TRPV1: variants seen among roughly 807,000 people sequenced by gnomAD.
TRPV1 encodes transient receptor potential cation channel subfamily V member 1.
In TRPV1, 82 loss-of-function variants were observed where a neutral mutation model predicts 82.3. That is an observed-to-expected ratio of 1.00 (90% CI 0.83 to 1.20). The LOEUF is 1.20. TRPV1 is among the 50% of genes most tolerant of loss of function. TRPV1 has a pLI of 0.00. For synonymous variants in TRPV1, 515 were observed against 467.7 expected (o/e 1.10, Z -1.30); for missense variants, 1,067 against 1,096.8 (o/e 0.97, Z 0.38).
Position 3,577,158 on chromosome 17 carries a change from A to T in TRPV1, c.1748T>A (p.Val583Asp). Residue 583 changes from valine to aspartate, a missense_variant, in exon 13 of 17, where the codon GTC (valine) becomes GAC (aspartate). Val to Asp is a radical substitution (Grantham distance 152). Coordinates refer to ENST00000572705, the MANE Select transcript of TRPV1 (RefSeq NM_080704.4). ...ILRDLCRFMF[V>D]YIVFLFGFST... ...AAACCCGAACAAGAAGACGATGTAG[A>T]CAAACATGAAACGGCACAGGTCTCT... The T allele has an allele frequency of 3.8e-6, 6 of 1,588,376 alleles. No homozygotes were observed. The highest frequency in any genetic ancestry group is 5.1e-6 in the Non-Finnish European group (6 of 1,167,726).
intron 9 of TRPV1, chr17:3,585,069 TG>T: frequency 6.6e-6 from 1 of 151,880 alleles, no homozygotes. Flanking sequence ...TGGTGGGCTC[TG>T]GGCTTAGACA....
chr17:3,568,199 G>A (rs1233763600), intron 16 of TRPV1, among the ~76,000 whole-genome samples: 4 of 151,614 alleles, frequency 2.6e-5, no homozygotes, highest in Non-Finnish European at 4.4e-5. Flanking sequence ...GCGGGCGCCT[G>A]TAGTCCCAGC....
intron 2 of TRPV1, among the ~76,000 whole-genome samples, chr17:3,594,545 G>A (rs1211819944): frequency 2.0e-5 from 3 of 152,166 alleles, no homozygotes; most frequent in Non-Finnish European, 4.4e-5. Context: ...ACGGACGGCT[G>A]GCTACTGGCC....
In TRPV1 at chr17:3,566,176, GA is replaced by G. The variant is rs1226308584; in HGVS notation, c.*638del. The stretch of plus-strand genomic sequence containing the variant: ...AACAAGAGTGAAACTCTGTCTCACA[GA>G]AAAAAAAAAAAAGAATAAAATCAAA... On this transcript the variant is annotated 3_prime_UTR_variant, in exon 17 of 17. Transcript: ENST00000572705. 154 of 121,876 alleles carry G rather than the reference GA, an allele frequency of 1.3e-3. No individual in the cohort carries two copies. The highest frequency in any genetic ancestry group is 1.2e-3 in the Non-Finnish European group (70 of 58,318). The allele number at this position is 121,876 out of a possible 1,614,324, so 7.5% of individuals were successfully genotyped here. A position where few individuals can be genotyped will look rare whatever the true frequency, so the allele number is the denominator to read the frequency against.
intron 14 of TRPV1, 82 bp downstream of exon 14, chr17:3,573,551 C>CCCCCCCCCCCCCCCGG: frequency 4.7e-6 from 3 of 635,234 alleles, no homozygotes; most frequent in South Asian, 6.1e-5. Context: ...ACCCACCCAC[C>CCCCCCCCCCCCCCCGG]TGCAGCCAGC....
In TRPV1 at chr17:3,583,664, C is replaced by T. The variant is rs553884050; in HGVS notation, c.1384-234G>A. On this transcript the variant is annotated intron_variant, in intron 9 of 16. Transcript: ENST00000572705. The stretch of plus-strand genomic sequence containing the variant: ...AGCGGAGCATCTTACAATGCTGTGC[C>T]GCCTCCCAAGCAATGTCCCGGCAGG... Among the ~76,000 whole-genome samples, 16 of 152,322 alleles carry T rather than the reference C, an allele frequency of 1.1e-4. 1 individual carries two copies. In the South Asian group the frequency reaches 3.3e-3, roughly 32 times the overall value.
At chr17:3,598,521 C>G (rs1033077017) in intron 2 of TRPV1, among the ~76,000 whole-genome samples, 1 of 151,314 alleles carries the variant, frequency 6.6e-6, no homozygotes, top group Non-Finnish European at 1.5e-5. Flanking sequence ...AAGCCAGGCC[C>G]ATCCCACCAC....
chr17:3,581,722 T>TA (rs1326988525), intron 10 of TRPV1, among the ~76,000 whole-genome samples: 3 of 146,438 alleles, frequency 2.0e-5, no homozygotes, highest in Non-Finnish European at 4.5e-5. Flanking sequence ...CCGTCTCTAC[T>TA]AAAAATACAA....
intron 2 of TRPV1, among the ~76,000 whole-genome samples, chr17:3,595,249 T>G (rs1597550218): frequency 6.6e-6 from 1 of 152,038 alleles, no homozygotes; most frequent in Non-Finnish European, 1.5e-5. Flanking sequence ...AAGAGGGAAA[T>G]ACTTCACCGA....
At chr17:3,576,668 A>AAAAAATATATATATAT in intron 13 of TRPV1, among the ~76,000 whole-genome samples, 2 of 38,420 alleles carry the variant, frequency 5.2e-5, no homozygotes, top group African/African-American at 1.5e-4. Flanking sequence ...AAAAAAAAAA[A>AAAAAATATATATATAT]ATATATATAT....
chr17:3,589,748 G>A lies in TRPV1; in HGVS notation c.1044+59C>T. On this transcript the variant is annotated intron_variant, in intron 7 of 16. Coordinates refer to ENST00000572705, the MANE Select transcript of TRPV1 (RefSeq NM_080704.4). ...CCAGGCTCCCGCAGTGAGTCAGGCA[G>A]TCCTCTCCCATGCCATCAGCCCCGC... 2.6e-6 allele frequency: 4 copies of A among 1,552,406 alleles called. No individual in the cohort carries two copies. The Admixed American group carries it at 5.5e-5, about 21-fold the overall frequency.
At chr17:3,605,152 T>A (rs974955617) in intron 2 of TRPV1, among the ~76,000 whole-genome samples, 1 of 152,146 alleles carries the variant, frequency 6.6e-6, no homozygotes, top group Non-Finnish European at 1.5e-5. Context: ...TCAGGTAAGT[T>A]ACTTAACTTT....
At chr17:3,608,196 G>C (rs780301298) in intron 2 of TRPV1, 1 of 132,038 alleles carries the variant, frequency 7.6e-6, no homozygotes, top group Admixed American at 8.7e-5. Context: ...GGGTGACACA[G>C]TGAGACTATG....
At chr17:3,594,760 G>T (rs1273798163) in intron 2 of TRPV1, among the ~76,000 whole-genome samples, 1 of 152,238 alleles carries the variant, frequency 6.6e-6, no homozygotes, top group African/African-American at 2.4e-5. Flanking sequence ...GCTCCCCGCT[G>T]AGACAGAAAC....
At chr17:3,589,094 A>AC in intron 7 of TRPV1, 1 of 777,710 alleles carries the variant, frequency 1.3e-6, no homozygotes. Flanking sequence ...GAGGCCTGTC[A>AC]CCAGGAGCCA....
chr17:3,570,002 C>T (rs1243193606), intron 16 of TRPV1, among the ~76,000 whole-genome samples: 1 of 148,292 alleles, frequency 6.7e-6, no homozygotes, highest in Admixed American at 6.7e-5. Flanking sequence ...GGAGGAGGGG[C>T]CAAGCGGTCA....
intron 11 of TRPV1, among the ~76,000 whole-genome samples, 156 bp downstream of exon 11, chr17:3,580,301 C>T (rs2074989314): frequency 6.6e-6 from 1 of 152,206 alleles, no homozygotes; most frequent in Non-Finnish European, 1.5e-5. Context: ...AGTATTCATT[C>T]ATCCCCCGAG....
chr17:3,608,303 T>C (rs1393863135), intron 2 of TRPV1, 124 bp downstream of exon 2: 1 of 152,088 alleles, frequency 6.6e-6, no homozygotes, highest in Non-Finnish European at 1.5e-5. Context: ...ACTGTTTTCT[T>C]CCCATCTTTT....
chr17:3,599,976 A>G (rs1234279034), intron 2 of TRPV1, among the ~76,000 whole-genome samples: 2 of 152,076 alleles, frequency 1.3e-5, no homozygotes, highest in Non-Finnish European at 2.9e-5. Context: ...GATGGACCAC[A>G]TTTTGCTCAT....
Sources: allele counts gnomAD v4.1 joint callset (sites outside exome capture counted in the v4.1 genomes callset), GRCh38; gene constraint gnomAD v4.1.1; transcripts MANE v1.5; gene names NCBI Gene and HGNC (gene_info 2026-07-23, HGNC 2026-07-21).